The following CLTCL1 variants were observed in gnomAD, a reference collection of about 807,000 sequenced individuals.
The protein encoded by CLTCL1 is clathrin heavy chain 2.
Under a neutral mutation model 190.0 loss-of-function variants are expected in CLTCL1, and 159 were observed. The ratio of observed to expected loss-of-function variants is 0.84; its 90% confidence interval spans 0.74 to 0.95. The LOEUF is 0.95. Ranked by LOEUF, CLTCL1 falls within the 40% of genes least tolerant of loss-of-function variation. CLTCL1 has a pLI of 0.00. For synonymous variants in CLTCL1, 752 were observed against 769.6 expected, an observed-to-expected ratio of 0.98 and a Z score of 0.38; for missense variants, 1,878 against 2,033.4, an observed-to-expected ratio of 0.92 and a Z score of 1.47.
chr22:19,220,066 A>G, intron 17 of CLTCL1, 59 bp from the exon 18 acceptor site: 1 of 1,608,202 alleles, frequency 6.2e-7, no homozygotes. Flanking sequence ...GCTGCTTGGG[A>G]GGACACACCC....
At chr22:19,267,289 G>A (rs1232080792) in intron 2 of CLTCL1, among the ~76,000 whole-genome samples, 2 of 152,132 alleles carry the variant, frequency 1.3e-5, no homozygotes, top group African/African-American at 4.8e-5. Flanking sequence ...TTTGCTCACT[G>A]AATATGCAAA....
chr22:19,217,178 G>A (rs529485936), intron 18 of CLTCL1, among the ~76,000 whole-genome samples: 8 of 152,294 alleles, frequency 5.3e-5, no homozygotes, highest in Non-Finnish European at 1.0e-4. Flanking sequence ...ACAACAAGGA[G>A]GCTGAAGAGT....
At chr22:19,209,183 G>T in intron 20 of CLTCL1, 69 bp from the exon 21 acceptor site, 1 of 1,419,422 alleles carries the variant, frequency 7.0e-7, no homozygotes, top group Non-Finnish European at 9.5e-7. Flanking sequence ...ACACATTTTT[G>T]TTTGGTTTCC....
At chr22:19,225,389 C>T (rs1252442816) in intron 13 of CLTCL1, 64 bp downstream of exon 13, 4 of 1,462,994 alleles carry the variant, frequency 2.7e-6, no homozygotes, top group Non-Finnish European at 3.7e-6. Context: ...GGCAGGTAGG[C>T]AGCAACACCT....
chr22:19,291,467 G>T, intron 1 of CLTCL1, 133 bp downstream of exon 1: 1 of 848,760 alleles, frequency 1.2e-6, no homozygotes, highest in Non-Finnish European at 1.6e-6. Context: ...CCCCAGCCCA[G>T]GTGGGAGGTC....
At chr22:19,188,517 C>G (rs1163722313) in intron 27 of CLTCL1, among the ~76,000 whole-genome samples, 2 of 152,086 alleles carry the variant, frequency 1.3e-5, no homozygotes, top group Non-Finnish European at 2.9e-5. Context: ...GACTCGTAAT[C>G]TTTTTGCTGG....
At chr22:19,248,899 C>T (rs529490469) in intron 3 of CLTCL1, among the ~76,000 whole-genome samples, 4 of 152,170 alleles carry the variant, frequency 2.6e-5, no homozygotes, top group East Asian at 1.9e-4. Flanking sequence ...TAGGTCTGAT[C>T]GATTTTGAGT....
At chr22:19,267,810 G>A (rs990820090) in intron 2 of CLTCL1, among the ~76,000 whole-genome samples, 3 of 151,744 alleles carry the variant, frequency 2.0e-5, no homozygotes, top group Non-Finnish European at 4.4e-5. Context: ...CAGGAGAATC[G>A]CTTGAACCCA....
intron 9 of CLTCL1, 110 bp from the exon 10 acceptor site, chr22:19,232,708 C>T: frequency 7.3e-7 from 1 of 1,368,768 alleles, no homozygotes; most frequent in Non-Finnish European, 9.9e-7. Context: ...AAATGAGCAG[C>T]AACATTATCA....
rs1244312063 is a variant in CLTCL1 at position 19,256,197 on chromosome 22, ACC to A, written c.251-1972_251-1971del. Among the ~76,000 whole-genome samples, 5 of 151,860 alleles carry A rather than the reference ACC, an allele frequency of 3.3e-5. No homozygotes were observed. The East Asian group carries it at 9.7e-4, about 29-fold the overall frequency. On this transcript the variant is annotated intron_variant, in intron 2 of 32. Coordinates refer to ENST00000427926, the MANE Select transcript of CLTCL1 (RefSeq NM_007098.4). The stretch of plus-strand genomic sequence containing the variant: ...AATAGATACAGGGCCTCACTTTGTC[ACC>A]CAGGCTGGAGTACAGTGGAGCAATC...
At chr22:19,237,241 G>A (rs1601609519) in intron 5 of CLTCL1, among the ~76,000 whole-genome samples, 1 of 152,248 alleles carries the variant, frequency 6.6e-6, no homozygotes, top group East Asian at 1.9e-4. Flanking sequence ...TTGGGAGGCT[G>A]AGGCAGGAAG....
intron 3 of CLTCL1, among the ~76,000 whole-genome samples, chr22:19,252,946 A>G (rs890493469): frequency 4.6e-5 from 7 of 150,610 alleles, no homozygotes; most frequent in African/African-American, 1.5e-4. Context: ...CCCAGGAGGC[A>G]GAGCTTGCAG....
chr22:19,195,749 G>C (rs1172507456), intron 26 of CLTCL1, among the ~76,000 whole-genome samples: 2 of 152,168 alleles, frequency 1.3e-5, no homozygotes, highest in Non-Finnish European at 2.9e-5. Flanking sequence ...ACCCAACAGT[G>C]TGGCTGCTGA....
At chr22:19,268,637 T>C (rs2087199870) in intron 2 of CLTCL1, among the ~76,000 whole-genome samples, 1 of 152,152 alleles carries the variant, frequency 6.6e-6, no homozygotes, top group Admixed American at 6.5e-5. Context: ...GAAATACAAA[T>C]TAAAACTGCA....
Position 19,222,708 on chromosome 22 carries a change from CCT to C in CLTCL1, c.2392_2393del (p.Arg798ValfsTer3), listed in dbSNP as rs782614567. The C allele has an allele frequency of 2.4e-5, 39 of 1,592,866 alleles. No individual in the cohort carries two copies. Among genetic ancestry groups the C allele is most frequent in the Non-Finnish European group, 3.1e-5 (36 of 1,169,782 alleles). The stretch of plus-strand genomic sequence containing the variant: ...CCTTCTGCACGTAGATCTCAATGTA[CCT>C]CTGCAGGTTGTTGCGGTATAAATAT... ...VLYLYRNNLQ[R>X]YIEIYVQKVN... On this transcript the variant is annotated frameshift_variant, in exon 15 of 33. Transcript: ENST00000427926. LOFTEE classifies it high-confidence loss of function.
intron 3 of CLTCL1, among the ~76,000 whole-genome samples, chr22:19,245,830 G>A (rs1555967705): frequency 6.6e-6 from 1 of 152,180 alleles, no homozygotes; most frequent in Non-Finnish European, 1.5e-5. Context: ...TGTGTAGCAT[G>A]TATCAGTACT....
intron 22 of CLTCL1, among the ~76,000 whole-genome samples, chr22:19,201,997 C>T (rs2084902354): frequency 6.6e-6 from 1 of 152,080 alleles, no homozygotes; most frequent in Non-Finnish European, 1.5e-5. Context: ...CCACACCTTA[C>T]ACCTCAGAAG....
chr22:19,226,161 T>A, intron 12 of CLTCL1, 58 bp downstream of exon 12: 2 of 1,562,682 alleles, frequency 1.3e-6, no homozygotes, highest in African/African-American at 1.4e-5. Flanking sequence ...CTGGGGAGCA[T>A]GTGACATTAA....
intron 2 of CLTCL1, among the ~76,000 whole-genome samples, chr22:19,269,957 A>AG (rs2087253463): frequency 6.6e-6 from 1 of 152,138 alleles, no homozygotes; most frequent in Non-Finnish European, 1.5e-5. Context: ...TAAAAAAAAA[A>AG]AAAAGAAATT....
Sources: gnomAD v4.1 joint callset for allele counts (sites outside exome capture counted in the v4.1 genomes callset) on GRCh38, gnomAD v4.1.1 for gene constraint, MANE v1.5 for transcripts, NCBI Gene and HGNC (gene_info 2026-07-23, HGNC 2026-07-21) for gene names.